The following SGCD variants were observed in gnomAD, a reference collection of about 807,000 sequenced individuals.
The protein encoded by SGCD is sarcoglycan delta.
Under a neutral mutation model 36.6 loss-of-function variants are expected in SGCD, and 18 were observed. The observed-to-expected ratio is 0.49, with a 90% CI of 0.34 to 0.73. SGCD has a LOEUF of 0.73. SGCD is among the 30% of genes least tolerant of loss of function. The probability of loss-of-function intolerance (pLI) is 0.01; values close to 1 mark genes in which losing one functional copy is unlikely to be tolerated. For missense variants in SGCD, 387 were observed against 346.7 expected (o/e 1.12, Z -0.92); for synonymous variants, 133 against 130.6 (o/e 1.02, Z -0.12).
chr5:156,128,482 A>G (rs999384737), intron 3 of SGCD, among the ~76,000 whole-genome samples: 4 of 107,640 alleles, frequency 3.7e-5, no homozygotes, highest in African/African-American at 2.1e-4. Flanking sequence ...ATGTCTAACA[A>G]AAAAAAATGG....
At chr5:156,751,071 G>A (rs1464919161) in intron 7 of SGCD, among the ~76,000 whole-genome samples, 1 of 152,046 alleles carries the variant, frequency 6.6e-6, no homozygotes, top group African/African-American at 2.4e-5. Flanking sequence ...TCTTGAACAA[G>A]AATAAGGTAA....
chr5:155,791,267 A>C, the SGCD span, among the ~76,000 whole-genome samples: 9 of 152,226 alleles, frequency 5.9e-5, no homozygotes, highest in Admixed American at 5.2e-4. Flanking sequence ...CATGGAACAG[A>C]GTCAGAATGG....
rs181829620 is a variant in SGCD, at chr5:156,278,990, A to G, written c.-43-50544A>G. 5.0e-4 allele frequency among the ~76,000 whole-genome samples: 76 copies of G among 152,328 alleles called. No homozygotes were observed. The East Asian group carries it at 0.011, about 22-fold the overall frequency. Reference sequence around the variant, plus strand: ...GCAATGTCTGGAGTTGATTATCACAACTGGAGAGGTGCTAATGGCATCTAG... The same window carrying G: ...GCAATGTCTGGAGTTGATTATCACAGCTGGAGAGGTGCTAATGGCATCTAG... On this transcript the variant is annotated intron_variant, in intron 3 of 9. Transcript: ENST00000517913.
chr5:156,487,788 CAAAAAAAAAAAAA>C (rs56006984), intron 3 of SGCD, among the ~76,000 whole-genome samples: 1 of 41,382 alleles, frequency 2.4e-5, no homozygotes, highest in African/African-American at 6.0e-5. Flanking sequence ...ACTCTGTCAC[CAAAAAAAAAAAAA>C]AAAAAAAAAA....
chr5:156,121,321 C>A (rs1428165350), intron 2 of SGCD, among the ~76,000 whole-genome samples: 2 of 152,106 alleles, frequency 1.3e-5, no homozygotes, highest in Non-Finnish European at 2.9e-5. Flanking sequence ...GACTTCATTT[C>A]TTTTGCATAA....
At chr5:156,446,911 C>T (rs945969702) in intron 3 of SGCD, among the ~76,000 whole-genome samples, 5 of 152,104 alleles carry the variant, frequency 3.3e-5, no homozygotes, top group Non-Finnish European at 5.9e-5. Context: ...AACTGAGGCT[C>T]GGATACATTA....
At chr5:156,137,614 T>G (rs1366397816) in intron 3 of SGCD, among the ~76,000 whole-genome samples, 2 of 152,164 alleles carry the variant, frequency 1.3e-5, no homozygotes, top group African/African-American at 2.4e-5. Flanking sequence ...TGTGAAGTAT[T>G]TCTTGTGGTA....
chr5:156,446,858 C>T (rs1242101545), intron 3 of SGCD, among the ~76,000 whole-genome samples: 1 of 152,154 alleles, frequency 6.6e-6, no homozygotes, highest in Non-Finnish European at 1.5e-5. Context: ...TGGAAGATAT[C>T]TATAAGCCCT....
intron 3 of SGCD, among the ~76,000 whole-genome samples, chr5:156,207,825 A>G: frequency 6.6e-6 from 1 of 152,188 alleles, no homozygotes; most frequent in East Asian, 1.9e-4. Context: ...TTTTATATAT[A>G]TGTATATATA....
chr5:156,479,984 G>A (rs1243496091), intron 3 of SGCD, among the ~76,000 whole-genome samples: 1 of 152,204 alleles, frequency 6.6e-6, no homozygotes, highest in African/African-American at 2.4e-5. Context: ...AGGAGCCCCT[G>A]TGGGTGGAAG....
intron 2 of SGCD, among the ~76,000 whole-genome samples, chr5:156,337,247 A>G (rs1768401544): frequency 6.6e-6 from 1 of 152,174 alleles, no homozygotes; most frequent in Non-Finnish European, 1.5e-5. Flanking sequence ...TATGCCTCCT[A>G]TTTATATAAA....
At chr5:156,585,415 C>G (rs542755342) in intron 4 of SGCD, among the ~76,000 whole-genome samples, 2 of 152,328 alleles carry the variant, frequency 1.3e-5, no homozygotes, top group South Asian at 2.1e-4. Context: ...GAAAAACTTA[C>G]AAACTATCCT....
At chr5:156,408,119 T>C (rs978627550) in intron 3 of SGCD, among the ~76,000 whole-genome samples, 1 of 152,250 alleles carries the variant, frequency 6.6e-6, no homozygotes, top group Non-Finnish European at 1.5e-5. Context: ...TATGAAATCA[T>C]ACCACATTCT....
At chr5:156,444,244 G>A (rs1013722763) in intron 3 of SGCD, among the ~76,000 whole-genome samples, 16 of 145,720 alleles carry the variant, frequency 1.1e-4, no homozygotes, top group South Asian at 1.1e-3. Context: ...CTGTGTTTCT[G>A]TTTGCTTTTT....
chr5:155,866,324 G>A (rs138089263), upstream of SGCD, among the ~76,000 whole-genome samples: 637 of 152,234 alleles, frequency 4.2e-3, 5 homozygotes, highest in African/African-American at 0.014. Flanking sequence ...CCTGGATTCA[G>A]GCTGAGGTGT....
chr5:156,005,316 C>T (rs1758735132), intron 1 of SGCD, among the ~76,000 whole-genome samples: 1 of 152,092 alleles, frequency 6.6e-6, no homozygotes, highest in African/African-American at 2.4e-5. Context: ...CAGCTTTGGC[C>T]AAGTCTGTAT....
At chr5:156,261,362 C>T (rs553362824) in intron 3 of SGCD, among the ~76,000 whole-genome samples, 11 of 152,152 alleles carry the variant, frequency 7.2e-5, no homozygotes, top group Non-Finnish European at 1.6e-4. Flanking sequence ...TTAATACAGA[C>T]ACACACCACA....
At chr5:156,738,813 A>G (rs1213349546) in intron 7 of SGCD, among the ~76,000 whole-genome samples, 1 of 152,180 alleles carries the variant, frequency 6.6e-6, no homozygotes, top group Non-Finnish European at 1.5e-5. Context: ...CGTCTTTATA[A>G]CAGTGCTACA....
At chr5:155,770,872 C>G in the SGCD span, among the ~76,000 whole-genome samples, 1 of 152,092 alleles carries the variant, frequency 6.6e-6, no homozygotes, top group Admixed American at 6.5e-5. Context: ...ATTTTCAGTT[C>G]ATTAATCACA....
Sources: allele counts gnomAD v4.1 joint callset (sites outside exome capture counted in the v4.1 genomes callset), GRCh38; gene constraint gnomAD v4.1.1; transcripts MANE v1.5; gene names NCBI Gene and HGNC (gene_info 2026-07-23, HGNC 2026-07-21).